The following FSIP1 variants were observed in gnomAD, a reference collection of about 807,000 sequenced individuals.
FSIP1 encodes the protein fibrous sheath interacting protein 1, also known as fibrous sheath-interacting protein 1.
FSIP1 carries 65 observed loss-of-function variants against 60.9 expected under a neutral mutation model. The ratio of observed to expected loss-of-function variants is 1.07; its 90% CI spans 0.87 to 1.31. The LOEUF (loss-of-function observed/expected upper bound fraction) is 1.31, where lower values mean the gene tolerates loss of function less well. FSIP1 is among the 40% of genes most tolerant of loss of function. The pLI, the probability that FSIP1 is intolerant of heterozygous loss-of-function variation, is 0.00. For synonymous variants in FSIP1, 209 were observed against 221.2 expected (o/e 0.94, Z 0.49); for missense variants, 675 against 665.5 (o/e 1.01, Z -0.16).
chr15:39,676,898 T>A (rs2140479390), intron 10 of FSIP1, among the ~76,000 whole-genome samples: 1 of 152,330 alleles, frequency 6.6e-6, no homozygotes, highest in East Asian at 1.9e-4. Context: ...CGCATAAAAT[T>A]AGTGTCTTTT....
intron 11 of FSIP1, among the ~76,000 whole-genome samples, chr15:39,606,226 C>T (rs949977165): frequency 1.3e-5 from 2 of 152,200 alleles, no homozygotes; most frequent in Admixed American, 1.3e-4. Flanking sequence ...ATGGTAAAAC[C>T]AGGACACTTC....
chr15:39,644,284 G>A (rs889933580), intron 10 of FSIP1, among the ~76,000 whole-genome samples: 5 of 152,162 alleles, frequency 3.3e-5, no homozygotes, highest in South Asian at 2.1e-4. Context: ...CCAGCTGCCC[G>A]GCCGAGTGTG....
chr15:39,641,195 A>C (rs1339063787), intron 10 of FSIP1, among the ~76,000 whole-genome samples: 1 of 152,224 alleles, frequency 6.6e-6, no homozygotes, highest in Non-Finnish European at 1.5e-5. Flanking sequence ...TACAAATACA[A>C]AATTTTTCTA....
intron 11 of FSIP1, 82 bp downstream of exon 11, chr15:39,617,653 G>T (rs148738046): frequency 5.8e-6 from 7 of 1,198,044 alleles, no homozygotes; most frequent in African/African-American, 1.5e-5. Context: ...CTTCTTACCC[G>T]ACTCTAATTT....
At chr15:39,718,149 A>G (rs1895815242) in intron 9 of FSIP1, among the ~76,000 whole-genome samples, 1 of 152,108 alleles carries the variant, frequency 6.6e-6, no homozygotes, top group Admixed American at 6.5e-5. Context: ...TCATATAATT[A>G]TCTTCGAAAT....
chr15:39,748,740 G>A (rs1239945059), intron 5 of FSIP1, among the ~76,000 whole-genome samples: 1 of 152,100 alleles, frequency 6.6e-6, no homozygotes, highest in East Asian at 1.9e-4. Context: ...TAAGTAGCCT[G>A]ACATTATGCT....
chr15:39,744,512 C>T (rs1896918490), intron 5 of FSIP1, among the ~76,000 whole-genome samples: 1 of 152,164 alleles, frequency 6.6e-6, no homozygotes, highest in African/African-American at 2.4e-5. Context: ...TATTAAGCTG[C>T]TCCCCGGCAC....
chr15:39,680,108 T>C (rs1355544237), intron 10 of FSIP1, among the ~76,000 whole-genome samples: 3 of 152,138 alleles, frequency 2.0e-5, no homozygotes, highest in Non-Finnish European at 4.4e-5. Flanking sequence ...AGGCCTGAAA[T>C]TCTAGACCAT....
chr15:39,717,142 C>A (rs912777168), intron 9 of FSIP1, among the ~76,000 whole-genome samples: 12 of 151,976 alleles, frequency 7.9e-5, no homozygotes, highest in African/African-American at 2.7e-4. Flanking sequence ...AAATGTTTGT[C>A]GATCATGTGA....
chr15:39,781,350 G>A (rs190457144), intron 1 of FSIP1, among the ~76,000 whole-genome samples: 7 of 152,308 alleles, frequency 4.6e-5, no homozygotes, highest in African/African-American at 2.4e-5. Flanking sequence ...GAGAGCAACT[G>A]TAACACTCAT....
chr15:39,669,987 G>A (rs915801137), intron 10 of FSIP1, among the ~76,000 whole-genome samples: 8 of 152,052 alleles, frequency 5.3e-5, no homozygotes, highest in South Asian at 2.1e-4. Flanking sequence ...CAACCCTCCC[G>A]GAAACTGGAA....
intron 10 of FSIP1, among the ~76,000 whole-genome samples, chr15:39,679,632 C>A (rs1042661550): frequency 1.3e-5 from 2 of 152,078 alleles, no homozygotes; most frequent in African/African-American, 4.8e-5. Context: ...AAACAAAAAT[C>A]CTCATGTAAA....
chr15:39,649,739 C>T (rs10520143), intron 10 of FSIP1, among the ~76,000 whole-genome samples: 24,607 of 152,150 alleles, frequency 0.16, 2,209 homozygotes, highest in African/African-American at 0.21. Context: ...CGTTCCCTGT[C>T]GGATCAAGTC....
chr15:39,622,592 A>T (rs1566856123), intron 10 of FSIP1, among the ~76,000 whole-genome samples: 1 of 152,262 alleles, frequency 6.6e-6, no homozygotes, highest in Non-Finnish European at 1.5e-5. Context: ...GGCATAATAC[A>T]TGTATTGATT....
chr15:39,645,128 G>A (rs936887765), intron 10 of FSIP1, among the ~76,000 whole-genome samples: 5 of 152,202 alleles, frequency 3.3e-5, no homozygotes, highest in Admixed American at 1.3e-4. Flanking sequence ...TCAAAAAGAC[G>A]AGATAACAAG....
At chr15:39,631,660 T>G (rs1255426929) in intron 10 of FSIP1, among the ~76,000 whole-genome samples, 8 of 152,212 alleles carry the variant, frequency 5.3e-5, no homozygotes, top group African/African-American at 1.9e-4. Flanking sequence ...GGCCTACTGC[T>G]GTGATATTCA....
At chr15:39,678,696 C>A (rs1490806586) in intron 10 of FSIP1, among the ~76,000 whole-genome samples, 7 of 152,094 alleles carry the variant, frequency 4.6e-5, no homozygotes, top group Non-Finnish European at 1.0e-4. Context: ...TTTTTTAATG[C>A]TGTTTTACGT....
At chr15:39,674,124 G>T (rs1004631758) in intron 10 of FSIP1, among the ~76,000 whole-genome samples, 1 of 150,682 alleles carries the variant, frequency 6.6e-6, no homozygotes, top group East Asian at 2.0e-4. Context: ...GCGCGATCTC[G>T]GCTCACTGCA....
At chr15:39,626,141 T>C (rs1364373924) in intron 10 of FSIP1, among the ~76,000 whole-genome samples, 1 of 152,184 alleles carries the variant, frequency 6.6e-6, no homozygotes, top group Non-Finnish European at 1.5e-5. Context: ...ATGAGTCACA[T>C]TGGAGAAATC....
Sources: allele counts gnomAD v4.1 joint callset (sites outside exome capture counted in the v4.1 genomes callset), GRCh38; gene constraint gnomAD v4.1.1; transcripts MANE v1.5; gene names NCBI Gene and HGNC (gene_info 2026-07-23, HGNC 2026-07-21).